The following STAG1 variants were observed in gnomAD, a reference collection of about 807,000 sequenced individuals.
STAG1 encodes the protein STAG1 cohesin complex component, also known as cohesin subunit SA-1.
In STAG1, 26 loss-of-function variants were observed where a neutral mutation model predicts 170.9. That is an observed-to-expected ratio of 0.15 (90% CI 0.11 to 0.21). The LOEUF is 0.21. Among genes scored for constraint, STAG1 ranks in the 10% least tolerant of loss-of-function variants. The probability of loss-of-function intolerance (pLI) is 1.00; values close to 1 mark genes in which losing one functional copy is unlikely to be tolerated. For missense variants in STAG1, 964 were observed against 1,509.5 expected (o/e 0.64, Z 5.99); for synonymous variants, 514 against 497.7 (o/e 1.03, Z -0.44).
At chr3:136,574,988 TGTTTAAATCTGATTTAAAAATCA>T (rs1246467059) in intron 4 of STAG1, among the ~76,000 whole-genome samples, 3 of 152,212 alleles carry the variant, frequency 2.0e-5, no homozygotes, top group Non-Finnish European at 4.4e-5. Flanking sequence ...TTTAAAAATC[TGTTTAAATCTGATTTAAAAATCA>T]GTAACAAAAA....
At chr3:136,472,120 A>G (rs1237820715) in intron 12 of STAG1, among the ~76,000 whole-genome samples, 2 of 152,178 alleles carry the variant, frequency 1.3e-5, no homozygotes, top group Non-Finnish European at 2.9e-5. Flanking sequence ...TTTAGGCAGG[A>G]GCCAACATAC....
At chr3:136,476,267 C>A (rs945741431) in intron 10 of STAG1, among the ~76,000 whole-genome samples, 1 of 152,138 alleles carries the variant, frequency 6.6e-6, no homozygotes, top group Non-Finnish European at 1.5e-5. Flanking sequence ...AGACTAAGGA[C>A]AAATCTCAGC....
intron 9 of STAG1, among the ~76,000 whole-genome samples, chr3:136,497,606 C>T (rs1333629452): frequency 1.3e-5 from 2 of 151,930 alleles, no homozygotes; most frequent in Admixed American, 6.6e-5. Context: ...TTTGGGAGGC[C>T]GAGGCGGGCG....
At chr3:136,671,888 G>A (rs76032082) in intron 1 of STAG1, among the ~76,000 whole-genome samples, 1 of 152,060 alleles carries the variant, frequency 6.6e-6, no homozygotes, top group Non-Finnish European at 1.5e-5. Flanking sequence ...AGAAAAAAAA[G>A]AGAAAGAAAA....
At chr3:136,520,530 G>A (rs1480744210) in intron 7 of STAG1, among the ~76,000 whole-genome samples, 1 of 152,018 alleles carries the variant, frequency 6.6e-6, no homozygotes, top group Non-Finnish European at 1.5e-5. Flanking sequence ...CACAGTTAAA[G>A]CAGTGACGGA....
chr3:136,691,416 C>A (rs969145582), intron 1 of STAG1, among the ~76,000 whole-genome samples: 1 of 150,316 alleles, frequency 6.7e-6, no homozygotes, highest in African/African-American at 2.5e-5. Context: ...GCCTGGGTGA[C>A]AGAGCGAGAC....
chr3:136,636,829 G>C (rs1940580346), intron 1 of STAG1, among the ~76,000 whole-genome samples: 1 of 152,134 alleles, frequency 6.6e-6, no homozygotes, highest in Non-Finnish European at 1.5e-5. Context: ...AGAATCGCAG[G>C]TGGCCAGAGC....
chr3:136,493,709 G>C (rs1276912917), intron 9 of STAG1, among the ~76,000 whole-genome samples: 1 of 140,242 alleles, frequency 7.1e-6, no homozygotes, highest in Non-Finnish European at 1.6e-5. Flanking sequence ...CATAAATCAA[G>C]GAAATAAAAA....
chr3:136,670,659 C>T (rs1941951370), intron 1 of STAG1, among the ~76,000 whole-genome samples: 1 of 151,930 alleles, frequency 6.6e-6, no homozygotes, highest in African/African-American at 2.4e-5. Flanking sequence ...TTAGTAGAGC[C>T]AAGGTTTCGC....
At chr3:136,488,123 T>C (rs986189689) in intron 9 of STAG1, among the ~76,000 whole-genome samples, 2 of 152,232 alleles carry the variant, frequency 1.3e-5, no homozygotes, top group Non-Finnish European at 2.9e-5. Context: ...GAGACAAATG[T>C]TTTTTTGTTT....
intron 4 of STAG1, among the ~76,000 whole-genome samples, chr3:136,602,965 C>T (rs940219187): frequency 6.6e-6 from 1 of 152,108 alleles, no homozygotes; most frequent in African/African-American, 2.4e-5. Flanking sequence ...AAATTCAATA[C>T]ATGTTTCACC....
At chr3:136,477,231 G>A (rs531674943) in intron 10 of STAG1, 58 bp downstream of exon 10, 11 of 1,499,192 alleles carry the variant, frequency 7.3e-6, no homozygotes, top group Non-Finnish European at 9.8e-6. Context: ...TTGATTCCCA[G>A]CATTTTAGTA....
chr3:136,546,751 G>A lies in STAG1; in HGVS notation c.395-4556C>T, dbSNP rs1403630120. On this transcript the variant is annotated intron_variant, in intron 5 of 33. Transcript: ENST00000383202. ...TGTATACAAATCCATAAATTATAGA[G>A]CAAAAAGTTTTAGCAAGTACCTTGT... 2.0e-5 allele frequency among the ~76,000 whole-genome samples: 3 copies of A among 152,118 alleles called. No homozygotes were observed. The East Asian group carries it at 5.8e-4, about 29-fold the overall frequency.
chr3:136,644,603 T>G (rs546017899), intron 1 of STAG1, among the ~76,000 whole-genome samples: 54 of 152,336 alleles, frequency 3.5e-4, no homozygotes, highest in African/African-American at 1.3e-3. Flanking sequence ...TATAGCATAA[T>G]ACAATGATCA....
In STAG1 at chr3:136,552,570, T is replaced by C. The variant is rs1936450397; in HGVS notation, c.395-10375A>G. On this transcript the variant is annotated intron_variant, in intron 5 of 33. Coordinates refer to ENST00000383202, the MANE Select transcript of STAG1 (RefSeq NM_005862.3). ...AAATCACTTTTTCTATGATGACCCT[T>C]GCTAAGCCTATTTGCTTCAGTTGGG... 2.6e-5 allele frequency among the ~76,000 whole-genome samples: 4 copies of C among 152,150 alleles called. No homozygotes were observed. The South Asian group carries it at 8.3e-4, about 32-fold the overall frequency.
In STAG1 at chr3:136,456,598, G is replaced by C. The variant is rs148558935; in HGVS notation, c.1314-4451C>G. Among the ~76,000 whole-genome samples, 979 of 152,298 alleles carry C rather than the reference G, an allele frequency of 6.4e-3. 12 individuals carry two copies. The highest frequency in any genetic ancestry group is 0.022 in the African/African-American group (931 of 41,574). On this transcript the variant is annotated intron_variant, in intron 13 of 33. Transcript: ENST00000383202. Reference sequence around the variant, plus strand: ...AGGGCCTGGAAAGCATATTAAAAGAGTAAGGCTGAAAATTCCCCAAATCTG... The same window carrying C: ...AGGGCCTGGAAAGCATATTAAAAGACTAAGGCTGAAAATTCCCCAAATCTG...
chr3:136,455,339 T>C (rs1424156382), intron 13 of STAG1, among the ~76,000 whole-genome samples: 2 of 152,152 alleles, frequency 1.3e-5, no homozygotes, highest in Non-Finnish European at 2.9e-5. Flanking sequence ...CTATGATTAG[T>C]AAGAGAAACA....
At chr3:136,619,394 T>G (rs1253191364) in intron 3 of STAG1, among the ~76,000 whole-genome samples, 2 of 150,780 alleles carry the variant, frequency 1.3e-5, no homozygotes, top group African/African-American at 4.9e-5. Context: ...GTAAGTAAAA[T>G]GTATGTTACG....
chr3:136,379,191 C>T (rs1937796206), intron 22 of STAG1, among the ~76,000 whole-genome samples: 1 of 152,002 alleles, frequency 6.6e-6, no homozygotes, highest in Non-Finnish European at 1.5e-5. Flanking sequence ...TTTAAACATT[C>T]AAAATACACT....
Sources: allele counts gnomAD v4.1 joint callset (sites outside exome capture counted in the v4.1 genomes callset), GRCh38; gene constraint gnomAD v4.1.1; transcripts MANE v1.5; gene names NCBI Gene and HGNC (gene_info 2026-07-23, HGNC 2026-07-21).